The following REM1 variants were observed in gnomAD, a reference collection of about 807,000 sequenced individuals.
REM1 encodes the protein RRAD and GEM like GTPase 1, also known as GTP-binding protein REM 1.
Under a neutral mutation model 27.0 loss-of-function variants are expected in REM1, and 20 were observed. The ratio of observed to expected loss-of-function variants is 0.74; its 90% CI spans 0.52 to 1.08. REM1 has a LOEUF of 1.08. Among genes scored for constraint, REM1 ranks in the 50% least tolerant of loss-of-function variants. The probability of loss-of-function intolerance (pLI) is 0.00; values close to 1 mark genes in which losing one functional copy is unlikely to be tolerated. For synonymous variants in REM1, 159 were observed against 167.9 expected (o/e 0.95, Z 0.41); for missense variants, 405 against 407.0 (o/e 1.00, Z 0.04).
chr20:31,481,418 C>G (rs1568763440), intron 3 of REM1, among the ~76,000 whole-genome samples: 1 of 152,064 alleles, frequency 6.6e-6, no homozygotes. Flanking sequence ...CCTTCCTAAC[C>G]CCATTCGCCA....
chr20:31,482,792 C>T (rs73116282), intron 4 of REM1, among the ~76,000 whole-genome samples: 10,826 of 152,232 alleles, frequency 0.071, 451 homozygotes, highest in Middle Eastern at 0.11. Context: ...CTCCTTGCCA[C>T]CTGCCAGAAT....
rs754142605 is a variant in REM1, at chr20:31,484,231, C to T, written c.698C>T (p.Ala233Val). 6.2e-7 allele frequency: 1 copy of T among 1,608,420 alleles called. No homozygotes were observed. Among genetic ancestry groups the T allele is most frequent in the African/African-American group, 1.3e-5 (1 of 74,980 alleles). The change falls in exon 5 of 5, where the codon GCC becomes GTC. Residue 233 changes from alanine to valine, a missense_variant. Transcript: ENST00000201979. The stretch of plus-strand genomic sequence containing the variant: ...TCCGCCACGCTGCAGCACAATGTGG[C>T]CGAGCTCTTCGAGGGCGTGGTGCGC... ...ETSATLQHNV[A>V]ELFEGVVRQL...
rs1442418319 is a variant in REM1, at chr20:31,475,507, G to A, written c.-220+141G>A. On this transcript the variant is annotated intron_variant, in intron 1 of 4. Transcript: ENST00000201979. The surrounding 1 kb of genome is among the most constrained non-coding windows in gnomAD (Gnocchi z 5.0). ...CTAGGGTGAGGGTCTTCAGACCTGGGACCCGGAGGGCTGGATAGCCCTGGA... is the reference window on the plus strand; with the variant it reads ...CTAGGGTGAGGGTCTTCAGACCTGGAACCCGGAGGGCTGGATAGCCCTGGA... 2 of 152,276 alleles carry A rather than the reference G, an allele frequency of 1.3e-5. No homozygotes were observed. The highest frequency in any genetic ancestry group is 2.4e-5 in the African/African-American group (1 of 41,462). 9.4% of individuals were successfully genotyped at this position (152,276 alleles called of 1,614,324 possible).
chr20:31,484,232 C>T lies in REM1; in HGVS notation c.699C>T (p.Ala233=). The T allele has an allele frequency of 6.2e-7, 1 of 1,607,558 alleles. No homozygotes were observed. The highest frequency in any genetic ancestry group is 8.5e-7 in the Non-Finnish European group (1 of 1,178,010). The change falls in exon 5 of 5, where the codon GCC becomes GCT. Residue 233 remains alanine, a synonymous_variant. Coordinates refer to ENST00000201979, the MANE Select transcript of REM1 (RefSeq NM_014012.6). ...CCGCCACGCTGCAGCACAATGTGGC[C>T]GAGCTCTTCGAGGGCGTGGTGCGCC... ...ETSATLQHNV[A]ELFEGVVRQL...
At chr20:31,479,955 G>A (rs1300786036) in intron 3 of REM1, among the ~76,000 whole-genome samples, 1 of 152,064 alleles carries the variant, frequency 6.6e-6, no homozygotes, top group African/African-American at 2.4e-5. Context: ...CAGGTGTGGT[G>A]GTGCATGCCT....
chr20:31,477,799 C>T (rs1980570938), intron 2 of REM1, 29 bp from the exon 3 acceptor site: 1 of 1,593,256 alleles, frequency 6.3e-7, no homozygotes, highest in Admixed American at 1.7e-5. Flanking sequence ...CCCGTCCTCC[C>T]TGAGATCCAG....
chr20:31,476,397 C>G lies in REM1; in HGVS notation c.-49C>G, dbSNP rs2233828. 3 of 1,446,158 alleles carry G rather than the reference C, an allele frequency of 2.1e-6. No individual in the cohort carries two copies. The highest frequency in any genetic ancestry group is 4.4e-5 in the Admixed American group (2 of 45,418). The allele number at this position is 1,446,158 out of a possible 1,614,324, so 89.6% of individuals were successfully genotyped here. A position where few individuals can be genotyped will look rare whatever the true frequency, so the allele number is the denominator to read the frequency against. ...AGCAATTGGCTGACAGCCAATTCCC[C>G]CTTCTTTCAGAAGGAAAGAAGGAAG... is the stretch of plus-strand genomic sequence containing the variant. On this transcript the variant is annotated 5_prime_UTR_variant, in exon 2 of 5. Transcript: ENST00000201979.
intron 2 of REM1, among the ~76,000 whole-genome samples, chr20:31,477,384 G>A (rs1042070758): frequency 1.3e-5 from 2 of 152,132 alleles, no homozygotes; most frequent in African/African-American, 4.8e-5. Flanking sequence ...AGGGTGAGTG[G>A]GGGAAGGGGG....
Position 31,484,805 on chromosome 20 carries a change from A to C in REM1, c.*375A>C. On this transcript the variant is annotated 3_prime_UTR_variant, in exon 5 of 5. Transcript: ENST00000201979. ...CATCTCGGCTCTTCCAGGCGTCTCC[A>C]CCTACTGCCCTCCCATCTACACTTG... 4.5e-6 allele frequency: 1 copy of C among 220,710 alleles called. No homozygotes were observed. Among genetic ancestry groups the C allele is most frequent in the South Asian group, 1.3e-4 (1 of 7,594 alleles). 13.7% of individuals were successfully genotyped at this position (220,710 alleles called of 1,614,324 possible).
chr20:31,478,018 C>A, intron 3 of REM1, 108 bp downstream of exon 3: 1 of 683,168 alleles, frequency 1.5e-6, no homozygotes, highest in Non-Finnish European at 2.6e-6. Flanking sequence ...CAACGGCCAT[C>A]CTCAGCACCC....
chr20:31,476,429 ACC>A lies in REM1; in HGVS notation c.-10_-9del. 1 of 1,507,234 alleles carries A rather than the reference ACC, an allele frequency of 6.6e-7. No individual in the cohort carries two copies. Among genetic ancestry groups the A allele is most frequent in the Non-Finnish European group, 8.9e-7 (1 of 1,119,626 alleles). The allele number at this position is 1,507,234 out of a possible 1,614,324, so 93.4% of individuals were successfully genotyped here. Reference sequence around the variant, plus strand: ...TCAGAAGGAAAGAAGGAAGAAGCAAACCCCCCCCTACCAAAGATGACACTCAA... The same window carrying A: ...TCAGAAGGAAAGAAGGAAGAAGCAAACCCCCCTACCAAAGATGACACTCAA... On this transcript the variant is annotated 5_prime_UTR_variant, in exon 2 of 5. Transcript: ENST00000201979.
chr20:31,484,657 T>C lies in REM1; in HGVS notation c.*227T>C. The C allele has an allele frequency of 1.9e-6, 1 of 532,384 alleles. No individual in the cohort carries two copies. Among genetic ancestry groups the C allele is most frequent in the South Asian group, 3.7e-5 (1 of 27,122 alleles). 33.0% of individuals were successfully genotyped at this position (532,384 alleles called of 1,614,324 possible). On this transcript the variant is annotated 3_prime_UTR_variant, in exon 5 of 5. Coordinates refer to ENST00000201979, the MANE Select transcript of REM1 (RefSeq NM_014012.6). ...GCCCCAAGCTGGGCACAAAGTAGTTTTTTACGTGGTGGGTGTCTTTTTGTA... is the reference window on the plus strand; with the variant it reads ...GCCCCAAGCTGGGCACAAAGTAGTTCTTTACGTGGTGGGTGTCTTTTTGTA...
At chr20:31,480,320 TTTTA>T (rs747520760) in intron 3 of REM1, among the ~76,000 whole-genome samples, 14 of 152,140 alleles carry the variant, frequency 9.2e-5, no homozygotes, top group Non-Finnish European at 2.1e-4. Context: ...CTTCTTATTC[TTTTA>T]TTTCTTTTCT....
intron 4 of REM1, 124 bp from the exon 5 acceptor site, chr20:31,484,035 C>A (rs947018461): frequency 2.4e-5 from 26 of 1,097,164 alleles, no homozygotes; most frequent in Non-Finnish European, 3.2e-5. Context: ...AGTCCCCAGA[C>A]AGCAGCACCA....
rs1980846516 is a variant in REM1, at chr20:31,484,327, C to G, written c.794C>G (p.Ala265Gly). 3 of 1,570,166 alleles carry G rather than the reference C, an allele frequency of 1.9e-6. No homozygotes were observed. Among genetic ancestry groups the G allele is most frequent in the African/African-American group, 1.3e-5 (1 of 74,176 alleles). ...PPAPRRPASLAQRARRFLARL... is the reference protein window; with the variant it reads ...PPAPRRPASLGQRARRFLARL... The stretch of plus-strand genomic sequence containing the variant: ...GCACCCCGACGGCCGGCCAGCCTAG[C>G]CCAGCGCGCTCGTCGCTTCCTGGCA... Residue 265 changes from alanine (A) to glycine (G), a missense_variant, in exon 5 of 5, where the codon GCC (alanine) becomes GGC (glycine). Ala to Gly is a moderately conservative substitution (Grantham distance 60). Transcript: ENST00000201979.
chr20:31,484,742 G>A lies in REM1; in HGVS notation c.*312G>A. 1 of 350,196 alleles carries A rather than the reference G, an allele frequency of 2.9e-6. No individual in the cohort carries two copies. The highest frequency in any genetic ancestry group is 5.1e-6 in the Non-Finnish European group (1 of 194,206). 21.7% of individuals were successfully genotyped at this position (350,196 alleles called of 1,614,324 possible). A position where few individuals can be genotyped will look rare whatever the true frequency, so the allele number is the denominator to read the frequency against. ...CCTCAGAAACCCTCACAATAAACCAGACCAGAAGGATGTCCCATCTGAATG... is the reference window on the plus strand; with the variant it reads ...CCTCAGAAACCCTCACAATAAACCAAACCAGAAGGATGTCCCATCTGAATG... On this transcript the variant is annotated 3_prime_UTR_variant, in exon 5 of 5. Transcript: ENST00000201979.
intron 3 of REM1, among the ~76,000 whole-genome samples, chr20:31,479,928 A>G (rs541219962): frequency 6.6e-6 from 1 of 152,226 alleles, no homozygotes; most frequent in South Asian, 2.1e-4. Context: ...CATCTCTACT[A>G]AAAATACAAA....
chr20:31,478,834 CTT>C (rs1243905937), intron 3 of REM1, among the ~76,000 whole-genome samples: 42 of 135,234 alleles, frequency 3.1e-4, no homozygotes, highest in Admixed American at 3.0e-4. Flanking sequence ...AGATCTTATT[CTT>C]TTTTTTTTTT....
chr20:31,481,131 G>A (rs1188733978), intron 3 of REM1, among the ~76,000 whole-genome samples: 2 of 152,062 alleles, frequency 1.3e-5, no homozygotes, highest in African/African-American at 4.8e-5. Context: ...AAATTAGCTG[G>A]GCGTTGTGGC....
Sources: gnomAD v4.1 joint callset for allele counts (sites outside exome capture counted in the v4.1 genomes callset) on GRCh38, gnomAD v4.1.1 for gene constraint, Gnocchi (gnomAD v3.1) non-coding constraint, MANE v1.5 for transcripts, NCBI Gene and HGNC (gene_info 2026-07-23, HGNC 2026-07-21) for gene names.